Variants in MYPOP observed in about 807,000 individuals in gnomAD.
MYPOP encodes myb-related transcription factor, partner of profilin.
A neutral mutation model predicts 25.7 loss-of-function variants in MYPOP; 21 were observed. The observed-to-expected ratio is 0.82, with a 90% CI of 0.58 to 1.18. The LOEUF is 1.18. Among genes scored for constraint, MYPOP ranks in the 50% most tolerant of loss-of-function variants. MYPOP has a pLI of 0.00. For missense variants in MYPOP, 566 were observed against 588.3 expected (o/e 0.96, Z 0.39); for synonymous variants, 280 against 247.9 (o/e 1.13, Z -1.22).
Position 45,901,283 on chromosome 19 carries a change from C to G in MYPOP, c.491G>C (p.Arg164Pro), listed in dbSNP as rs1967285396. The change falls in exon 2 of 3, where the codon CGA becomes CCA. Residue 164 changes from arginine (R) to proline (P), a missense_variant. Physicochemically the swap from Arg to Pro is moderately radical, Grantham distance 103. Transcript: ENST00000322217. This position sits in a 1 kb window ranked among gnomAD's most constrained non-coding sequence, Gnocchi z 5.7. Reference protein sequence around the residue: ...YVLSEDRREDRRADTSAHSKA... With the variant: ...YVLSEDRREDPRADTSAHSKA... ...ACTCTGAAGACACTCACCTGCACGT[C>G]GGTCCTCCCGGCGGTCTTCCGACAA... 6.9e-7 allele frequency: 1 copy of G among 1,448,454 alleles called. No homozygotes were observed. The highest frequency in any genetic ancestry group is 9.1e-7 in the Non-Finnish European group (1 of 1,101,706). The allele number at this position is 1,448,454 out of a possible 1,614,324, so 89.7% of individuals were successfully genotyped here. A position where few individuals can be genotyped will look rare whatever the true frequency, so the allele number is the denominator to read the frequency against.
At position 45,901,841 on chromosome 19, in the gene MYPOP, G is replaced by C. The variant is rs200918572; in HGVS notation, c.-52-16C>G. The stretch of plus-strand genomic sequence containing the variant: ...GGCGCCGGCGCTGCGGGCAAAGGGC[G>C]CACGGGGCTGGCTGGGGTTCGGGGT... On this transcript the variant is annotated splice_polypyrimidine_tract_variant and intron_variant, in intron 1 of 2. Coordinates refer to ENST00000322217, the MANE Select transcript of MYPOP (RefSeq NM_001012643.4). This position sits in a 1 kb window ranked among gnomAD's most constrained non-coding sequence, Gnocchi z 5.7. 3.2e-6 allele frequency: 4 copies of C among 1,268,588 alleles called. No homozygotes were observed. The South Asian group carries it at 6.1e-5, about 19-fold the overall frequency. 78.6% of individuals were successfully genotyped at this position (1,268,588 alleles called of 1,614,324 possible).
Position 45,890,692 on chromosome 19 carries a change from G to A in MYPOP, c.1131C>T (p.Asp377=). 3.8e-6 allele frequency: 6 copies of A among 1,585,250 alleles called. No homozygotes were observed. The highest frequency in any genetic ancestry group is 1.7e-4 in the Middle Eastern group (1 of 5,960). ...RPPPAPLPPH[D]SPPHKRRKGF... is the part of the protein sequence containing the mutation. ...CTTTTCTCCGCTTGTGTGGGGGGGAGTCGTGCGGAGGGAGCGGGGCTGGGG... is the reference window on the plus strand; with the variant it reads ...CTTTTCTCCGCTTGTGTGGGGGGGAATCGTGCGGAGGGAGCGGGGCTGGGG... Residue 377 remains aspartate (D), a synonymous_variant, in exon 3 of 3, where the codon GAC becomes GAT. Coordinates refer to ENST00000322217, the MANE Select transcript of MYPOP (RefSeq NM_001012643.4).
chr19:45,896,222 C>A (rs1391526359), intron 2 of MYPOP, among the ~76,000 whole-genome samples: 1 of 152,124 alleles, frequency 6.6e-6, no homozygotes, highest in African/African-American at 2.4e-5. Context: ...ACCCTGGAGG[C>A]CGAGGTTGCA....
rs1967217766 is a variant in MYPOP at position 45,897,140 on chromosome 19, T to C, written c.499+4135A>G. On this transcript the variant is annotated intron_variant, in intron 2 of 2. Transcript: ENST00000322217. Reference sequence around the variant, plus strand: ...GTGCAATGGCGTAATCTCAGTTTCCTGCAATTTCTACCTCCCAGTGCAAGC... The same window carrying C: ...GTGCAATGGCGTAATCTCAGTTTCCCGCAATTTCTACCTCCCAGTGCAAGC... 2.0e-5 allele frequency among the ~76,000 whole-genome samples: 3 copies of C among 150,770 alleles called. No homozygotes were observed. The South Asian group carries it at 6.3e-4, about 32-fold the overall frequency.
intron 2 of MYPOP, among the ~76,000 whole-genome samples, chr19:45,899,388 G>A (rs1010293036): frequency 9.2e-5 from 14 of 152,164 alleles, no homozygotes; most frequent in Non-Finnish European, 2.1e-4. Context: ...GTGGTAACAA[G>A]TTTCTGAAAA....
intron 2 of MYPOP, among the ~76,000 whole-genome samples, chr19:45,896,618 CTT>C (rs760658668): frequency 0.019 from 2,560 of 134,762 alleles, 41 homozygotes; most frequent in East Asian, 0.089. Flanking sequence ...AGAGTCCATT[CTT>C]TTTTTTTTTT....
chr19:45,900,417 A>C (rs1967269854), intron 2 of MYPOP, among the ~76,000 whole-genome samples: 1 of 150,950 alleles, frequency 6.6e-6, no homozygotes, highest in African/African-American at 2.4e-5. Context: ...CTCAGCTCTG[A>C]TGTCCCCTCC....
chr19:45,895,798 G>A (rs975174433), intron 2 of MYPOP, among the ~76,000 whole-genome samples: 2 of 152,056 alleles, frequency 1.3e-5, no homozygotes, highest in Non-Finnish European at 2.9e-5. Flanking sequence ...CCCCAACTCC[G>A]CCTGTCTTCC....
rs1397740594 is a variant in MYPOP, at chr19:45,890,690, G to C, written c.1133C>G (p.Ser378Cys). Residue 378 changes from serine to cysteine, a missense_variant, in exon 3 of 3, where the codon TCC (serine) becomes TGC (cysteine). Transcript: ENST00000322217. The stretch of plus-strand genomic sequence containing the variant: ...ACCTTTTCTCCGCTTGTGTGGGGGG[G>C]AGTCGTGCGGAGGGAGCGGGGCTGG... ...PPPAPLPPHD[S>C]PPHKRRKGFP... is the part of the protein sequence containing the mutation. 10 of 1,564,460 alleles carry C rather than the reference G, an allele frequency of 6.4e-6. No individual in the cohort carries two copies. Among genetic ancestry groups the C allele is most frequent in the East Asian group, 2.3e-5 (1 of 44,004 alleles).
chr19:45,895,196 T>C (rs1967185062), intron 2 of MYPOP, among the ~76,000 whole-genome samples: 1 of 152,178 alleles, frequency 6.6e-6, no homozygotes. Context: ...TTGGGTTACC[T>C]GGCTGTAGCC....
chr19:45,891,348 G>C (rs765901279), intron 2 of MYPOP, 25 bp from the exon 3 acceptor site: 3 of 1,451,824 alleles, frequency 2.1e-6, no homozygotes, highest in Non-Finnish European at 2.7e-6. Flanking sequence ...ATACAGGTAA[G>C]GGGTGAGCGA....
intron 2 of MYPOP, among the ~76,000 whole-genome samples, chr19:45,900,305 T>C (rs1407899608): frequency 6.6e-6 from 1 of 152,202 alleles, no homozygotes; most frequent in African/African-American, 2.4e-5. Flanking sequence ...CAACTTCTTT[T>C]AGTTTCCCAA....
At chr19:45,893,509 A>C (rs989268624) in intron 2 of MYPOP, among the ~76,000 whole-genome samples, 1 of 147,044 alleles carries the variant, frequency 6.8e-6, no homozygotes, top group Admixed American at 6.9e-5. Context: ...CAGAAGTTGC[A>C]GTGAGCTGAG....
intron 2 of MYPOP, among the ~76,000 whole-genome samples, chr19:45,898,677 C>T (rs563141276): frequency 1.3e-5 from 2 of 152,210 alleles, no homozygotes; most frequent in South Asian, 4.2e-4. Flanking sequence ...TGCCTCAGAG[C>T]TTTTGCACGT....
intron 2 of MYPOP, among the ~76,000 whole-genome samples, chr19:45,894,202 T>C (rs1020698138): frequency 4.0e-5 from 6 of 150,792 alleles, no homozygotes; most frequent in Admixed American, 4.0e-4. Flanking sequence ...AAGCTCTGTC[T>C]CCTGGGTTCA....
Position 45,890,721 on chromosome 19 carries a change from G to GGGGGA in MYPOP, c.1101_1102insTCCCC (p.Pro368SerfsTer40). 1 of 1,418,522 alleles carries GGGGGA rather than the reference G, an allele frequency of 7.0e-7. No individual in the cohort carries two copies. The highest frequency in any genetic ancestry group is 9.7e-7 in the Non-Finnish European group (1 of 1,026,524). The allele number at this position is 1,418,522 out of a possible 1,614,324, so 87.9% of individuals were successfully genotyped here. ...TGCGGAGGGAGCGGGGCTGGGGGGG[G>GGGGGA]CCGGGGTGCCCCCTCCTCGCTCCTT... On this transcript the variant is annotated frameshift_variant, in exon 3 of 3. Coordinates refer to ENST00000322217, the MANE Select transcript of MYPOP (RefSeq NM_001012643.4). LOFTEE classifies it high-confidence loss of function.
At chr19:45,892,320 T>A (rs1274757109) in intron 2 of MYPOP, among the ~76,000 whole-genome samples, 2 of 152,132 alleles carry the variant, frequency 1.3e-5, no homozygotes, top group Non-Finnish European at 2.9e-5. Flanking sequence ...AGCTGGGGTG[T>A]CTGGGCACTG....
Position 45,901,239 on chromosome 19 carries a change from C to T in MYPOP, c.499+36G>A. ...GATGAGACATGTAAAAGGCTTGCAA[C>T]AGCGCAGGCACACAGCCTACTCTGA... On this transcript the variant is annotated intron_variant, in intron 2 of 2. Transcript: ENST00000322217. This position sits in a 1 kb window ranked among gnomAD's most constrained non-coding sequence, Gnocchi z 5.7. 1.4e-5 allele frequency: 20 copies of T among 1,410,038 alleles called. No individual in the cohort carries two copies. Among genetic ancestry groups the T allele is most frequent in the East Asian group, 2.9e-5 (1 of 34,798 alleles). The allele number at this position is 1,410,038 out of a possible 1,614,324, so 87.3% of individuals were successfully genotyped here. A position where few individuals can be genotyped will look rare whatever the true frequency, so the allele number is the denominator to read the frequency against.
chr19:45,891,335 G>C lies in MYPOP; in HGVS notation c.500-12C>G. 1 of 1,480,170 alleles carries C rather than the reference G, an allele frequency of 6.8e-7. No individual in the cohort carries two copies. The highest frequency in any genetic ancestry group is 2.4e-5 in the East Asian group (1 of 42,286). The allele number at this position is 1,480,170 out of a possible 1,614,324, so 91.7% of individuals were successfully genotyped here. A position where few individuals can be genotyped will look rare whatever the true frequency, so the allele number is the denominator to read the frequency against. Reference sequence around the variant, plus strand: ...GTGGGCTGATGTATCTGTAGAGAGAGAAATACAGGTAAGGGGTGAGCGACC... The same window carrying C: ...GTGGGCTGATGTATCTGTAGAGAGACAAATACAGGTAAGGGGTGAGCGACC... On this transcript the variant is annotated splice_polypyrimidine_tract_variant and intron_variant, in intron 2 of 2. Coordinates refer to ENST00000322217, the MANE Select transcript of MYPOP (RefSeq NM_001012643.4).
Sources: gnomAD v4.1 joint callset for allele counts (sites outside exome capture counted in the v4.1 genomes callset) on GRCh38, gnomAD v4.1.1 for gene constraint, Gnocchi (gnomAD v3.1) non-coding constraint, MANE v1.5 for transcripts, NCBI Gene and HGNC (gene_info 2026-07-23, HGNC 2026-07-21) for gene names.